Variants in RNF185 observed in about 807,000 individuals in gnomAD.
The protein encoded by RNF185 is E3 ubiquitin-protein ligase RNF185.
In RNF185, 13 loss-of-function variants were observed where a neutral mutation model predicts 24.9. The observed-to-expected ratio is 0.52, with a 90% CI of 0.34 to 0.83. RNF185 has a LOEUF of 0.83. Among genes scored for constraint, RNF185 ranks in the 40% least tolerant of loss-of-function variants. The probability of loss-of-function intolerance (pLI) is 0.01; values close to 1 mark genes in which losing one functional copy is unlikely to be tolerated. For synonymous variants in RNF185, 79 were observed against 90.3 expected (o/e 0.88, Z 0.71); for missense variants, 184 against 244.7 (o/e 0.75, Z 1.65).
At chr22:31,187,371 A>ACCGAGATC in intron 2 of RNF185, 101 bp downstream of exon 2, 1 of 1,285,492 alleles carries the variant, frequency 7.8e-7, no homozygotes, top group Non-Finnish European at 1.1e-6. Flanking sequence ...CACTTTGGGA[A>ACCGAGATC]TACACTCAGG....
chr22:31,177,798 G>T (rs1174582190), intron 1 of RNF185, among the ~76,000 whole-genome samples: 1 of 152,190 alleles, frequency 6.6e-6, no homozygotes, highest in Non-Finnish European at 1.5e-5. Flanking sequence ...CTACACCCTG[G>T]TCTAGAAATT....
Position 31,195,573 on chromosome 22 carries a change from G to T in RNF185, c.300G>T (p.Gln100His), listed in dbSNP as rs1314814824. ...ATGGAAGGGGCAGCACTGGGCAACA[G>T]GACCCCAGGTGAGGACTCAGGATGC... ...PLYGRGSTGQQDPREKTPPRP... is the reference protein window; with the variant it reads ...PLYGRGSTGQHDPREKTPPRP... Residue 100 changes from glutamine (Q) to histidine (H), a missense_variant, in exon 4 of 7, where the codon CAG (glutamine) becomes CAT (histidine). Physicochemically the swap from Gln to His is conservative, Grantham distance 24. Transcript: ENST00000326132. 6.2e-7 allele frequency: 1 copy of T among 1,604,628 alleles called. No homozygotes were observed. Among genetic ancestry groups the T allele is most frequent in the Non-Finnish European group, 8.5e-7 (1 of 1,175,212 alleles).
intron 6 of RNF185, among the ~76,000 whole-genome samples, chr22:31,203,462 A>G (rs1004050999): frequency 1.3e-5 from 2 of 152,230 alleles, no homozygotes; most frequent in African/African-American, 4.8e-5. Flanking sequence ...GAGCCTTTCA[A>G]TCTTGAACAG....
chr22:31,193,944 G>A (rs1490970622), intron 3 of RNF185, among the ~76,000 whole-genome samples: 1 of 149,514 alleles, frequency 6.7e-6, no homozygotes, highest in Non-Finnish European at 1.5e-5. Flanking sequence ...CCAGGCTAGA[G>A]TGCAATGGTG....
chr22:31,195,561 C>T lies in RNF185; in HGVS notation c.288C>T (p.Ser96=). Residue 96 remains serine (S), a synonymous_variant, in exon 4 of 7, where the codon AGC becomes AGT. Coordinates refer to ENST00000326132, the MANE Select transcript of RNF185 (RefSeq NM_152267.4). Reference sequence around the variant, plus strand: ...TCATCCCCCTCTATGGAAGGGGCAGCACTGGGCAACAGGACCCCAGGTGAG... The same window carrying T: ...TCATCCCCCTCTATGGAAGGGGCAGTACTGGGCAACAGGACCCCAGGTGAG... ...DKVIPLYGRG[S]TGQQDPREKT... The T allele has an allele frequency of 6.2e-7, 1 of 1,607,734 alleles. No homozygotes were observed. The highest frequency in any genetic ancestry group is 8.5e-7 in the Non-Finnish European group (1 of 1,176,814).
At chr22:31,187,663 C>G (rs1322638014) in intron 2 of RNF185, among the ~76,000 whole-genome samples, 1 of 152,206 alleles carries the variant, frequency 6.6e-6, no homozygotes, top group South Asian at 2.1e-4. Flanking sequence ...TACACACATT[C>G]TGCCTCATTT....
At position 31,191,182 on chromosome 22, in the gene RNF185, C is replaced by T. The variant is rs565212316; in HGVS notation, c.177-1502C>T. ...GGGAGGAATGGTCGTTGTTATAAAG[C>T]CTGACTTTCCCCTGAGGGTCATTCA... On this transcript the variant is annotated intron_variant, in intron 2 of 6. Transcript: ENST00000326132. Among the ~76,000 whole-genome samples, 15 of 152,322 alleles carry T rather than the reference C, an allele frequency of 9.8e-5. No homozygotes were observed. The South Asian group carries it at 3.1e-3, about 32-fold the overall frequency.
chr22:31,196,144 T>C (rs1277472145), intron 4 of RNF185, among the ~76,000 whole-genome samples: 6 of 152,188 alleles, frequency 3.9e-5, no homozygotes, highest in Non-Finnish European at 5.9e-5. Context: ...TCAGCCTGTG[T>C]ATTTGCTCTC....
intron 1 of RNF185, among the ~76,000 whole-genome samples, chr22:31,160,550 A>G (rs931992796): frequency 5.9e-5 from 9 of 152,202 alleles, no homozygotes; most frequent in Non-Finnish European, 1.3e-4. Flanking sequence ...TCTCCTTTCG[A>G]GGCATGGGCA....
At chr22:31,172,422 A>C (rs993529753) in intron 1 of RNF185, among the ~76,000 whole-genome samples, 2 of 151,910 alleles carry the variant, frequency 1.3e-5, no homozygotes, top group East Asian at 1.9e-4. Flanking sequence ...TTCTTTGTCT[A>C]ATAGGGGCTA....
chr22:31,192,822 C>A, intron 3 of RNF185, 120 bp downstream of exon 3: 1 of 872,542 alleles, frequency 1.1e-6, no homozygotes, highest in South Asian at 1.4e-5. Context: ...CATTTGCTTA[C>A]TTACCCCCAC....
chr22:31,183,285 G>A (rs1394155447), intron 1 of RNF185, among the ~76,000 whole-genome samples: 1 of 152,100 alleles, frequency 6.6e-6, no homozygotes, highest in Admixed American at 6.6e-5. Context: ...TTCATTGGTG[G>A]TGCTGTGTAC....
chr22:31,204,935 A>C lies in RNF185; in HGVS notation c.*349A>C, dbSNP rs1218559567. Reference sequence around the variant, plus strand: ...TCAGAGTATAATTTCACCTGAGTTTAATATTACAGAAACAAAGGGATGCAC... The same window carrying C: ...TCAGAGTATAATTTCACCTGAGTTTCATATTACAGAAACAAAGGGATGCAC... On this transcript the variant is annotated 3_prime_UTR_variant, in exon 7 of 7. Coordinates refer to ENST00000326132, the MANE Select transcript of RNF185 (RefSeq NM_152267.4). 2 of 223,170 alleles carry C rather than the reference A, an allele frequency of 9.0e-6. No individual in the cohort carries two copies. Among genetic ancestry groups the C allele is most frequent in the Non-Finnish European group, 2.0e-5 (2 of 101,092 alleles). 13.8% of individuals were successfully genotyped at this position (223,170 alleles called of 1,614,324 possible). A position where few individuals can be genotyped will look rare whatever the true frequency, so the allele number is the denominator to read the frequency against.
At chr22:31,178,226 T>A (rs2048001668) in intron 1 of RNF185, among the ~76,000 whole-genome samples, 1 of 152,248 alleles carries the variant, frequency 6.6e-6, no homozygotes. Flanking sequence ...AAATGCTGAT[T>A]AATCTGAATT....
chr22:31,172,935 A>G (rs1183873215), intron 1 of RNF185, among the ~76,000 whole-genome samples: 2 of 152,186 alleles, frequency 1.3e-5, no homozygotes, highest in Non-Finnish European at 2.9e-5. Context: ...AGAAATTCAC[A>G]GCCCTTGACT....
At position 31,191,010 on chromosome 22, in the gene RNF185, A is replaced by G. The variant is rs533813730; in HGVS notation, c.177-1674A>G. ...TAGCTTAGGAGCAATAGGCTATACT[A>G]TGTAGCCTAGGTGTGTAGTAAGCTA... On this transcript the variant is annotated intron_variant, in intron 2 of 6. Transcript: ENST00000326132. Among the ~76,000 whole-genome samples, 9 of 152,358 alleles carry G rather than the reference A, an allele frequency of 5.9e-5. No individual in the cohort carries two copies. The East Asian group carries it at 1.2e-3, about 20-fold the overall frequency.
intron 1 of RNF185, among the ~76,000 whole-genome samples, chr22:31,181,893 T>C (rs1275608839): frequency 6.6e-6 from 1 of 151,674 alleles, no homozygotes; most frequent in African/African-American, 2.4e-5. Flanking sequence ...TTAGGAGGTA[T>C]ACCTAATGTA....
In RNF185 at chr22:31,183,429, G is replaced by A. The variant is rs186840672; in HGVS notation, c.-48-3618G>A. On this transcript the variant is annotated intron_variant, in intron 1 of 6. Coordinates refer to ENST00000326132, the MANE Select transcript of RNF185 (RefSeq NM_152267.4). ...TATTGATCATTCTTGGGTGTTTCTC[G>A]GAGAGGGGGATTTGGCAGGGTCATA... Among the ~76,000 whole-genome samples, 569 of 151,226 alleles carry A rather than the reference G, an allele frequency of 3.8e-3. 5 individuals are homozygous for A. Among genetic ancestry groups the A allele is most frequent in the African/African-American group, 0.012 (479 of 41,084 alleles).
intron 6 of RNF185, 92 bp from the exon 7 acceptor site, chr22:31,204,397 T>G (rs1456071231): frequency 2.5e-6 from 2 of 787,620 alleles, no homozygotes; most frequent in South Asian, 1.4e-5. Flanking sequence ...TGTAAAGAGA[T>G]AAAGATTGAT....
Sources: gnomAD v4.1 joint callset for allele counts (sites outside exome capture counted in the v4.1 genomes callset) on GRCh38, gnomAD v4.1.1 for gene constraint, MANE v1.5 for transcripts, NCBI Gene and HGNC (gene_info 2026-07-23, HGNC 2026-07-21) for gene names.